Variants in UBR2 observed in about 807,000 individuals in gnomAD.
UBR2 encodes ubiquitin protein ligase E3 component n-recognin 2.
Under a neutral mutation model 247.9 loss-of-function variants are expected in UBR2, and 92 were observed. The observed-to-expected ratio is 0.37, with a 90% confidence interval of 0.31 to 0.44. The LOEUF (loss-of-function observed/expected upper bound fraction) is 0.44. UBR2 is among the 20% of genes least tolerant of loss of function. The probability of loss-of-function intolerance (pLI) is 1.00; values close to 1 mark genes in which losing one functional copy is unlikely to be tolerated. For synonymous variants in UBR2, 672 were observed against 693.5 expected (o/e 0.97, Z 0.49); for missense variants, 1,613 against 2,112.6 (o/e 0.76, Z 4.64).
intron 15 of UBR2, among the ~76,000 whole-genome samples, chr6:42,639,756 G>C (rs956658282): frequency 1.3e-5 from 2 of 152,198 alleles, no homozygotes; most frequent in African/African-American, 4.8e-5. Flanking sequence ...GGCATAACAT[G>C]TATATAAATT....
intron 42 of UBR2, among the ~76,000 whole-genome samples, chr6:42,682,667 G>C (rs569990970): frequency 6.6e-6 from 1 of 152,002 alleles, no homozygotes; most frequent in African/African-American, 2.4e-5. Flanking sequence ...TAATCTTCCC[G>C]CCTCAGCCTC....
chr6:42,620,051 T>C (rs1017412727), intron 11 of UBR2: 2 of 931,204 alleles, frequency 2.1e-6, no homozygotes, highest in African/African-American at 3.6e-5. Flanking sequence ...GTCTGGTCTA[T>C]CTGGATATGT....
chr6:42,570,877 G>A (rs2151900010), intron 1 of UBR2, among the ~76,000 whole-genome samples: 1 of 151,644 alleles, frequency 6.6e-6, no homozygotes, highest in East Asian at 2.0e-4. Context: ...GAAGAGACAG[G>A]GTTTTGCCAT....
chr6:42,688,864 A>T (rs548256343), intron 45 of UBR2, among the ~76,000 whole-genome samples: 26 of 152,274 alleles, frequency 1.7e-4, no homozygotes, highest in Non-Finnish European at 3.2e-4. Context: ...GTTTTGTATG[A>T]GAGAGAGGAC....
chr6:42,603,253 G>A (rs1350627251), intron 4 of UBR2, among the ~76,000 whole-genome samples: 1 of 152,160 alleles, frequency 6.6e-6, no homozygotes, highest in African/African-American at 2.4e-5. Flanking sequence ...TTGGGGGTTA[G>A]TAAGATACAA....
intron 11 of UBR2, among the ~76,000 whole-genome samples, chr6:42,618,335 C>T (rs1297188598): frequency 3.3e-5 from 5 of 152,178 alleles, no homozygotes; most frequent in Non-Finnish European, 5.9e-5. Flanking sequence ...TGGAGCATTA[C>T]CTCTTGGCAA....
At chr6:42,568,005 C>A (rs988718181) in intron 1 of UBR2, among the ~76,000 whole-genome samples, 1 of 152,146 alleles carries the variant, frequency 6.6e-6, no homozygotes, top group Non-Finnish European at 1.5e-5. Flanking sequence ...TATGATCATG[C>A]CACTGTACTC....
Position 42,692,594 on chromosome 6 carries a change from T to C in UBR2, c.*1421T>C, listed in dbSNP as rs963717584. 2.0e-5 allele frequency: 3 copies of C among 152,206 alleles called. No individual in the cohort carries two copies. Among genetic ancestry groups the C allele is most frequent in the African/African-American group, 7.2e-5 (3 of 41,440 alleles). The allele number at this position is 152,206 out of a possible 1,614,324, so 9.4% of individuals were successfully genotyped here. A position where few individuals can be genotyped will look rare whatever the true frequency, so the allele number is the denominator to read the frequency against. On this transcript the variant is annotated 3_prime_UTR_variant, in exon 47 of 47. Coordinates refer to ENST00000372901, the MANE Select transcript of UBR2 (RefSeq NM_001363705.2). The stretch of plus-strand genomic sequence containing the variant: ...GGAACAGATGAGTAATAAGAGGCTC[T>C]TGGATTTTTTTAACCAATGCAACTG...
chr6:42,602,689 A>C (rs1260629919), intron 4 of UBR2, among the ~76,000 whole-genome samples: 1 of 148,480 alleles, frequency 6.7e-6, no homozygotes, highest in Non-Finnish European at 1.5e-5. Context: ...TATAAAATGT[A>C]ATTATATATT....
chr6:42,658,221 GAT>G lies in UBR2; in HGVS notation c.2983-17_2983-16del. The stretch of plus-strand genomic sequence containing the variant: ...GTGATCATATTTCATACAGGATACT[GAT>G]ACTTTTTTTTTTGTAGACTTTTAAT... On this transcript the variant is annotated splice_polypyrimidine_tract_variant and intron_variant, in intron 27 of 46. Transcript: ENST00000372901. The G allele has an allele frequency of 5.0e-6, 8 of 1,609,514 alleles. No homozygotes were observed. The highest frequency in any genetic ancestry group is 5.9e-6 in the Non-Finnish European group (7 of 1,177,304).
chr6:42,608,506 T>TG (rs1343912154), intron 7 of UBR2, among the ~76,000 whole-genome samples: 1 of 152,088 alleles, frequency 6.6e-6, no homozygotes, highest in African/African-American at 2.4e-5. Flanking sequence ...GGTGCACACA[T>TG]GTAGTCCTAG....
At chr6:42,632,069 A>AAAAATATATATATATATAT (rs56721828) in intron 11 of UBR2, among the ~76,000 whole-genome samples, 6 of 114,086 alleles carry the variant, frequency 5.3e-5, no homozygotes, top group African/African-American at 2.0e-4. Flanking sequence ...AAAAAAAAAA[A>AAAAATATATATATATATAT]ATATATATAT....
chr6:42,651,328 T>A (rs1397209736), intron 23 of UBR2, among the ~76,000 whole-genome samples: 2 of 152,008 alleles, frequency 1.3e-5, no homozygotes, highest in African/African-American at 2.4e-5. Context: ...TAGTTTTTGA[T>A]GAAGTCATAG....
In UBR2 at chr6:42,645,533, T is replaced by G; in HGVS notation, c.2352T>G (p.His784Gln). The change falls in exon 21 of 47, where the codon CAT (histidine) becomes CAG (glutamine). Residue 784 changes from histidine (H) to glutamine (Q), a missense_variant. This residue lies in a region of UBR2 where 1,524 missense variants were observed against 1,967.3 expected (regional missense o/e 0.77). Coordinates refer to ENST00000372901, the MANE Select transcript of UBR2 (RefSeq NM_001363705.2). ...ATDEIKREII[H>Q]QLSIKPMAHS... The stretch of plus-strand genomic sequence containing the variant: ...ATGAAATCAAGCGAGAGATTATCCA[T>G]CAGTTGAGTATCAAGCCTATGGCTC... The G allele has an allele frequency of 6.2e-7, 1 of 1,613,800 alleles. No individual in the cohort carries two copies. The highest frequency in any genetic ancestry group is 8.5e-7 in the Non-Finnish European group (1 of 1,179,756).
chr6:42,599,186 C>T (rs1793192354), intron 4 of UBR2, among the ~76,000 whole-genome samples: 1 of 152,148 alleles, frequency 6.6e-6, no homozygotes, highest in African/African-American at 2.4e-5. Flanking sequence ...ACAAATGCTG[C>T]TCCCATCTGT....
chr6:42,652,738 G>T (rs143459375), intron 25 of UBR2, 93 bp downstream of exon 25: 6 of 1,159,650 alleles, frequency 5.2e-6, no homozygotes, highest in Non-Finnish European at 7.2e-6. Context: ...AAACTAGGCC[G>T]AAATGTATTG....
rs149398303 is a variant in UBR2 at position 42,614,480 on chromosome 6, G to C, written c.986-591G>C. On this transcript the variant is annotated intron_variant, in intron 8 of 46. Transcript: ENST00000372901. ...TGGAACAAATAAGTGTTAAAGCTTTGGTTATTTTAATGCTTATATTAATAT... is the reference window on the plus strand; with the variant it reads ...TGGAACAAATAAGTGTTAAAGCTTTCGTTATTTTAATGCTTATATTAATAT... 4.2e-3 allele frequency among the ~76,000 whole-genome samples: 618 copies of C among 146,690 alleles called. 4 individuals carry two copies. Among genetic ancestry groups the C allele is most frequent in the African/African-American group, 0.015 (581 of 39,908 alleles).
chr6:42,644,249 G>A lies in UBR2; in HGVS notation c.2133G>A (p.Leu711=). The A allele has an allele frequency of 1.2e-6, 2 of 1,609,972 alleles. No individual in the cohort carries two copies. The highest frequency in any genetic ancestry group is 1.7e-6 in the Non-Finnish European group (2 of 1,178,964). ...GVSMMDPNHF[L]MIMLSRFELY... is the part of the protein sequence containing the mutation. ...CCATGATGGATCCAAATCATTTCCT[G>A]ATGATCATGCTCAGCCGCTTTGAAC... The change falls in exon 19 of 47, where the codon CTG becomes CTA. Residue 711 remains leucine (L), a synonymous_variant. Coordinates refer to ENST00000372901, the MANE Select transcript of UBR2 (RefSeq NM_001363705.2).
At chr6:42,578,063 G>T (rs1048628630) in intron 2 of UBR2, among the ~76,000 whole-genome samples, 3 of 151,964 alleles carry the variant, frequency 2.0e-5, no homozygotes, top group African/African-American at 7.3e-5. Flanking sequence ...CTTTCTGTTG[G>T]GATGTTTTAA....
Sources: gnomAD v4.1 joint callset for allele counts (sites outside exome capture counted in the v4.1 genomes callset) on GRCh38, gnomAD v4.1.1 for gene constraint, gnomAD v4.1.1 regional missense constraint, MANE v1.5 for transcripts, NCBI Gene and HGNC (gene_info 2026-07-23, HGNC 2026-07-21) for gene names.